BIRC6: variants seen among roughly 807,000 people sequenced by gnomAD.
BIRC6 encodes dual E2 ubiquitin-conjugating enzyme/E3 ubiquitin-protein ligase BIRC6.
In BIRC6, 98 loss-of-function variants were observed where a neutral mutation model predicts 503.3. That is an observed-to-expected ratio of 0.19 (90% CI 0.17 to 0.23). The LOEUF (loss-of-function observed/expected upper bound fraction) is 0.23, where lower values mean the gene tolerates loss of function less well. Ranked by LOEUF, BIRC6 falls within the 10% of genes least tolerant of loss-of-function variation. The pLI, the probability that BIRC6 is intolerant of heterozygous loss-of-function variation, is 1.00. For synonymous variants in BIRC6, 2,240 were observed against 2,078.7 expected (o/e 1.08, Z -2.11); for missense variants, 5,360 against 5,806.0 (o/e 0.92, Z 2.50).
Position 32,357,285 on chromosome 2 carries a change from T to G in BIRC6, c.124T>G (p.Ser42Ala). 2 of 1,524,570 alleles carry G rather than the reference T, an allele frequency of 1.3e-6. No individual in the cohort carries two copies. The highest frequency in any genetic ancestry group is 1.8e-6 in the Non-Finnish European group (2 of 1,139,274). The allele number at this position is 1,524,570 out of a possible 1,614,324, so 94.4% of individuals were successfully genotyped here. Residue 42 changes from serine (S) to alanine (A), a missense_variant, in exon 1 of 74, where the codon TCC becomes GCC. Transcript: ENST00000421745. This position sits in a 1 kb window ranked among gnomAD's most constrained non-coding sequence, Gnocchi z 4.9. ...TGCGGCGGCCTCGGGCCCCGGCTGC[T>G]CCTCGGCGGCGGGGGCGGGGGCGGC... is the stretch of plus-strand genomic sequence containing the variant. ...AAAAASGPGC[S>A]SAAGAGAAGV...
intron 61 of BIRC6, among the ~76,000 whole-genome samples, chr2:32,532,913 A>G (rs942312144): frequency 7.2e-5 from 11 of 152,164 alleles, no homozygotes; most frequent in African/African-American, 2.7e-4. Flanking sequence ...TACATACCTA[A>G]GAATGTGAAA....
At chr2:32,419,940 C>G (rs981965534) in intron 10 of BIRC6, among the ~76,000 whole-genome samples, 3 of 152,162 alleles carry the variant, frequency 2.0e-5, no homozygotes, top group Admixed American at 2.0e-4. Context: ...TTGTCAAATA[C>G]TTGTTTACAT....
At chr2:32,430,764 A>G (rs2044004044) in intron 11 of BIRC6, 101 bp from the exon 12 acceptor site, 3 of 883,784 alleles carry the variant, frequency 3.4e-6, no homozygotes, top group Non-Finnish European at 5.1e-6. Flanking sequence ...GTGTTGCAAT[A>G]GAAAACCTAC....
At chr2:32,594,466 G>T (rs1443626650) in intron 67 of BIRC6, among the ~76,000 whole-genome samples, 2 of 152,182 alleles carry the variant, frequency 1.3e-5, no homozygotes, top group African/African-American at 4.8e-5. Context: ...AGGACTAAAT[G>T]GATAGATCAC....
intron 10 of BIRC6, among the ~76,000 whole-genome samples, chr2:32,418,927 T>A (rs176412): frequency 6.6e-4 from 101 of 152,278 alleles, no homozygotes; most frequent in African/African-American, 2.4e-3. Flanking sequence ...CAGCCTAGGC[T>A]ACCGAGCAAG....
At chr2:32,606,812 C>G (rs569298939) in intron 71 of BIRC6, among the ~76,000 whole-genome samples, 3 of 152,016 alleles carry the variant, frequency 2.0e-5, no homozygotes, top group Admixed American at 1.3e-4. Context: ...TCAAAACCAG[C>G]CTGGCCAACA....
chr2:32,549,615 GT>G, intron 65 of BIRC6, 134 bp downstream of exon 65: 5 of 801,654 alleles, frequency 6.2e-6, no homozygotes, highest in African/African-American at 1.8e-5. Context: ...TATTTAGTTG[GT>G]TTTTGGTGCC....
chr2:32,570,157 G>A (rs2059822027), intron 65 of BIRC6, among the ~76,000 whole-genome samples: 1 of 151,980 alleles, frequency 6.6e-6, no homozygotes, highest in African/African-American at 2.4e-5. Context: ...AACATTTATT[G>A]AAATGACTAT....
At chr2:32,510,469 T>C in intron 52 of BIRC6, 57 bp from the exon 53 acceptor site, 2 of 997,064 alleles carry the variant, frequency 2.0e-6, no homozygotes, top group Non-Finnish European at 3.2e-6. Flanking sequence ...TAAGTAAATC[T>C]TCCCATGGTT....
intron 12 of BIRC6, among the ~76,000 whole-genome samples, chr2:32,433,385 T>G (rs1209044757): frequency 6.6e-6 from 1 of 152,230 alleles, no homozygotes; most frequent in Non-Finnish European, 1.5e-5. Flanking sequence ...CACATTAAAT[T>G]GTTCACACTT....
At chr2:32,572,978 G>A (rs1180619097) in intron 65 of BIRC6, among the ~76,000 whole-genome samples, 1 of 152,082 alleles carries the variant, frequency 6.6e-6, no homozygotes, top group Non-Finnish European at 1.5e-5. Context: ...TCCCCATATA[G>A]CTCTGTGGGC....
At chr2:32,393,841 A>C (rs184575604) in intron 5 of BIRC6, among the ~76,000 whole-genome samples, 5 of 152,088 alleles carry the variant, frequency 3.3e-5, no homozygotes, top group Non-Finnish European at 7.4e-5. Context: ...ATTCAAGTAC[A>C]TTTTGAAGTA....
intron 23 of BIRC6, among the ~76,000 whole-genome samples, chr2:32,458,352 GA>G: frequency 6.6e-6 from 1 of 152,214 alleles, no homozygotes; most frequent in Middle Eastern, 3.4e-3. Context: ...CAGCTTTAGG[GA>G]AATAGCCAGT....
intron 5 of BIRC6, 47 bp downstream of exon 5, chr2:32,392,197 G>T: frequency 7.9e-7 from 1 of 1,273,034 alleles, no homozygotes. Context: ...GGCCTTTGTA[G>T]CCCTCAGCAA....
At chr2:32,389,273 A>G (rs558921515) in intron 4 of BIRC6, among the ~76,000 whole-genome samples, 1 of 152,050 alleles carries the variant, frequency 6.6e-6, no homozygotes, top group African/African-American at 2.4e-5. Context: ...TTAATGATTA[A>G]TAACTATTTT....
At chr2:32,518,029 A>C (rs1269445709) in intron 55 of BIRC6, among the ~76,000 whole-genome samples, 1 of 151,878 alleles carries the variant, frequency 6.6e-6, no homozygotes, top group Non-Finnish European at 1.5e-5. Flanking sequence ...CGTTTCTTAC[A>C]CTTTTATCTC....
intron 10 of BIRC6, among the ~76,000 whole-genome samples, chr2:32,424,870 C>T (rs891228432): frequency 6.6e-6 from 1 of 152,134 alleles, no homozygotes. Context: ...CACCATTTTG[C>T]ATTTCCACAA....
At chr2:32,492,426 C>G (rs1173958022) in intron 44 of BIRC6, among the ~76,000 whole-genome samples, 3 of 152,056 alleles carry the variant, frequency 2.0e-5, no homozygotes, top group Non-Finnish European at 2.9e-5. Context: ...AGAGAAGAAA[C>G]TAACTTACAG....
rs750223647 is a variant in BIRC6, at chr2:32,479,502, A to G, written c.7293A>G (p.Glu2431=). Residue 2431 remains glutamate, a synonymous_variant, in exon 37 of 74, where the codon GAA becomes GAG. Transcript: ENST00000421745. ...LAPVAAEAME[E]GTVGDDVGAT... ...CAGTAGCCGCAGAAGCCATGGAGGA[A>G]GGAACAGTGGGTGATGATGTAGGTG... 7 of 1,605,050 alleles carry G rather than the reference A, an allele frequency of 4.4e-6. No homozygotes were observed. The highest frequency in any genetic ancestry group is 6.0e-6 in the Non-Finnish European group (7 of 1,175,504).
Sources: allele counts gnomAD v4.1 joint callset (sites outside exome capture counted in the v4.1 genomes callset), GRCh38; gene constraint gnomAD v4.1.1; non-coding constraint Gnocchi (gnomAD v3.1); transcripts MANE v1.5; gene names NCBI Gene and HGNC (gene_info 2026-07-23, HGNC 2026-07-21).